FARP1: variants seen among roughly 807,000 people sequenced by gnomAD.
FARP1 encodes FERM, ARHGEF and pleckstrin domain-containing protein 1.
A neutral mutation model predicts 128.8 loss-of-function variants in FARP1; 52 were observed. That is an observed-to-expected ratio of 0.40 (90% CI 0.32 to 0.51). The LOEUF (loss-of-function observed/expected upper bound fraction) is 0.51, where lower values mean the gene tolerates loss of function less well. FARP1 is among the 20% of genes least tolerant of loss of function. The probability of loss-of-function intolerance (pLI) is 0.45; values close to 1 mark genes in which losing one functional copy is unlikely to be tolerated. For synonymous variants in FARP1, 580 were observed against 551.8 expected (o/e 1.05, Z -0.72); for missense variants, 1,333 against 1,367.9 (o/e 0.97, Z 0.40).
intron 2 of FARP1, among the ~76,000 whole-genome samples, chr13:98,340,036 G>A (rs565282678): frequency 1.1e-4 from 16 of 151,668 alleles, no homozygotes; most frequent in South Asian, 2.1e-4. Flanking sequence ...CTTCTAAAGC[G>A]CTCAGTTTAA....
intron 2 of FARP1, among the ~76,000 whole-genome samples, chr13:98,312,171 C>T (rs562501444): frequency 4.2e-4 from 48 of 114,462 alleles, no homozygotes; most frequent in African/African-American, 1.6e-3. Flanking sequence ...GACGGAGTCT[C>T]GCTCTGTCGC....
rs200956062 is a variant in FARP1 at position 98,410,762 on chromosome 13, T to C, written c.1631T>C (p.Ile544Thr). 3 of 1,604,868 alleles carry C rather than the reference T, an allele frequency of 1.9e-6. No individual in the cohort carries two copies. In the East Asian group the frequency reaches 6.7e-5, roughly 36 times the overall value. Residue 544 changes from isoleucine (I) to threonine (T), a missense_variant, in exon 15 of 27, where the codon ATA becomes ACA. Around this residue, in one of 2 missense-constraint regions of FARP1, gnomAD observed 1,009 missense variants for 969.8 expected, o/e 1.04. Transcript: ENST00000319562. ...TTCCCAACTGATAAAGCGTACTTCA[T>C]AGCTAAGGAAGTGTCTACCACCGAG... ...KRFPTDKAYF[I>T]AKEVSTTERT...
intron 2 of FARP1, among the ~76,000 whole-genome samples, chr13:98,322,278 A>G (rs1887028618): frequency 6.6e-6 from 1 of 152,230 alleles, no homozygotes; most frequent in Non-Finnish European, 1.5e-5. Context: ...AGCTTGGGTG[A>G]CAAGAGTGAA....
chr13:98,392,487 C>T (rs1263400419), intron 11 of FARP1, among the ~76,000 whole-genome samples: 5 of 149,820 alleles, frequency 3.3e-5, no homozygotes, highest in Middle Eastern at 3.4e-3. Context: ...GGCCACAGAG[C>T]GAGATCCTGT....
chr13:98,298,362 G>A (rs1371542799), intron 2 of FARP1, among the ~76,000 whole-genome samples: 2 of 152,188 alleles, frequency 1.3e-5, no homozygotes, highest in Non-Finnish European at 2.9e-5. Flanking sequence ...TCCCATGCTT[G>A]CACAGAGGTG....
In FARP1 at chr13:98,393,998, C is replaced by T. The variant is rs1186725419; in HGVS notation, c.1164+280C>T. On this transcript the variant is annotated intron_variant, in intron 12 of 26. Coordinates refer to ENST00000319562, the MANE Select transcript of FARP1 (RefSeq NM_005766.4). ...TGAGAACTCAGCTCAGCGGCGGAAC[C>T]ATCGCGGCAGTGGGCAGAGCTGAGA... Among the ~76,000 whole-genome samples, 3 of 152,206 alleles carry T rather than the reference C, an allele frequency of 2.0e-5. No homozygotes were observed. The East Asian group carries it at 5.8e-4, about 29-fold the overall frequency.
intron 1 of FARP1, among the ~76,000 whole-genome samples, chr13:98,186,991 C>CAA (rs33992037): frequency 0.33 from 15,771 of 47,668 alleles, 4,657 homozygotes; most frequent in Non-Finnish European, 0.45. Context: ...GATTCTGTCT[C>CAA]AAAAAAAAAA....
rs1555329000 is a variant in FARP1 at position 98,224,556 on chromosome 13, AAG to A, written c.171+11145_171+11146del. Among the ~76,000 whole-genome samples the A allele has an allele frequency of 1.9e-4, 29 of 149,806 alleles. 1 individual carries two copies. The highest frequency in any genetic ancestry group is 6.8e-4 in the African/African-American group (28 of 40,934). ...AAAAAAAAAAAAAAAGAAAAAAAAA[AAG>A]AAAACACAAAACAATAGGTAGTTAC... is the stretch of plus-strand genomic sequence containing the variant. On this transcript the variant is annotated intron_variant, in intron 2 of 26. Coordinates refer to ENST00000319562, the MANE Select transcript of FARP1 (RefSeq NM_005766.4).
At chr13:98,234,298 C>G (rs1882300745) in intron 2 of FARP1, 1 of 152,188 alleles carries the variant, frequency 6.6e-6, no homozygotes, top group African/African-American at 2.4e-5. Flanking sequence ...GAAAGCTGGA[C>G]TTCTTTCATA....
Position 98,176,760 on chromosome 13 carries a change from G to T in FARP1, c.-24+33268G>T, listed in dbSNP as rs1878080277. On this transcript the variant is annotated intron_variant, in intron 1 of 26. Transcript: ENST00000319562. This position sits in a 1 kb window ranked among gnomAD's most constrained non-coding sequence, Gnocchi z 6.2. The stretch of plus-strand genomic sequence containing the variant: ...AGGAGTTGCCCATGGACGTGTCCTT[G>T]GGCTTCAGGTACCTCAGGTAGCTGT... The T allele has an allele frequency of 6.2e-7, 1 of 1,613,888 alleles. No homozygotes were observed. Among genetic ancestry groups the T allele is most frequent in the African/African-American group, 1.3e-5 (1 of 74,904 alleles).
At chr13:98,346,691 G>A (rs1469331222) in intron 3 of FARP1, among the ~76,000 whole-genome samples, 3 of 152,116 alleles carry the variant, frequency 2.0e-5, no homozygotes, top group Non-Finnish European at 4.4e-5. Flanking sequence ...GTTGCAGTGA[G>A]CTGAGATCGT....
At chr13:98,386,187 CTTTTTTTTTTT>C (rs138218092) in intron 8 of FARP1, among the ~76,000 whole-genome samples, 2 of 93,032 alleles carry the variant, frequency 2.1e-5, no homozygotes, top group African/African-American at 8.9e-5. Flanking sequence ...TAATGTGATC[CTTTTTTTTTTT>C]TTTTTTTTTT....
chr13:98,299,174 A>G (rs1245405991), intron 2 of FARP1, among the ~76,000 whole-genome samples: 7 of 152,210 alleles, frequency 4.6e-5, no homozygotes, highest in African/African-American at 1.7e-4. Context: ...ATTTGAACCG[A>G]CAGCAACTAA....
chr13:98,148,439 A>C (rs4771293), intron 1 of FARP1, among the ~76,000 whole-genome samples: 1 of 151,948 alleles, frequency 6.6e-6, no homozygotes, highest in Non-Finnish European at 1.5e-5. Context: ...AAATCCTGCC[A>C]CCTGTTACTG....
intron 2 of FARP1, among the ~76,000 whole-genome samples, chr13:98,258,037 G>A (rs546644882): frequency 1.3e-5 from 2 of 152,012 alleles, no homozygotes; most frequent in East Asian, 1.9e-4. Context: ...GCAGTGGCAC[G>A]ATCTTGGCTC....
intron 3 of FARP1, among the ~76,000 whole-genome samples, chr13:98,352,124 A>G (rs1055043528): frequency 1.3e-5 from 2 of 152,168 alleles, no homozygotes; most frequent in Non-Finnish European, 2.9e-5. Context: ...AAACCCACAG[A>G]CAACATCTGT....
intron 1 of FARP1, among the ~76,000 whole-genome samples, chr13:98,163,899 A>C (rs1009519077): frequency 2.0e-5 from 3 of 150,580 alleles, no homozygotes; most frequent in African/African-American, 7.3e-5. Context: ...AATAGAGACG[A>C]GGTTTCACCA....
intron 2 of FARP1, among the ~76,000 whole-genome samples, chr13:98,232,126 G>T (rs527837499): frequency 1.0e-5 from 1 of 97,310 alleles, no homozygotes; most frequent in African/African-American, 4.6e-5. Flanking sequence ...CACCGTGCCC[G>T]GCTTTTTTTG....
intron 2 of FARP1, among the ~76,000 whole-genome samples, chr13:98,258,014 C>A (rs1427125734): frequency 6.6e-6 from 1 of 152,090 alleles, no homozygotes; most frequent in Non-Finnish European, 1.5e-5. Flanking sequence ...CGCTCTGTTG[C>A]CCAGGCTAGA....
Sources: allele counts gnomAD v4.1 joint callset (sites outside exome capture counted in the v4.1 genomes callset), GRCh38; gene constraint gnomAD v4.1.1; regional missense constraint gnomAD v4.1.1; non-coding constraint Gnocchi (gnomAD v3.1); transcripts MANE v1.5; gene names NCBI Gene and HGNC (gene_info 2026-07-23, HGNC 2026-07-21).